Variants in ALMS1 observed in about 807,000 individuals in gnomAD.
ALMS1 encodes the protein ALMS1 centrosome and basal body associated protein, also known as centrosome-associated protein ALMS1.
Under a neutral mutation model 352.2 loss-of-function variants are expected in ALMS1, and 271 were observed. The observed-to-expected ratio is 0.77, with a 90% CI of 0.70 to 0.85. The LOEUF is 0.85. ALMS1 is among the 40% of genes least tolerant of loss of function. ALMS1 has a pLI of 0.00. For missense variants in ALMS1, 5,445 were observed against 4,870.7 expected, an observed-to-expected ratio of 1.12 and a Z score of -3.51; for synonymous variants, 1,865 against 1,761.2, an observed-to-expected ratio of 1.06 and a Z score of -1.48.
chr2:73,474,194 T>C (rs1395069154), intron 9 of ALMS1, among the ~76,000 whole-genome samples: 1 of 152,142 alleles, frequency 6.6e-6, no homozygotes, highest in African/African-American at 2.4e-5. Context: ...ATGAGCTTCT[T>C]ACAAAGTTAT....
At chr2:73,554,899 C>G (rs1674512199) in intron 13 of ALMS1, among the ~76,000 whole-genome samples, 1 of 152,042 alleles carries the variant, frequency 6.6e-6, no homozygotes. Flanking sequence ...CAATATGGTA[C>G]TTAGAAATGA....
Position 73,453,868 on chromosome 2 carries a change from T to C in ALMS1, c.7341T>C (p.Phe2447=), listed in dbSNP as rs1430973672. The C allele has an allele frequency of 3.1e-6, 5 of 1,614,020 alleles. No individual in the cohort carries two copies. Among genetic ancestry groups the C allele is most frequent in the Admixed American group, 1.7e-5 (1 of 59,978 alleles). ...TTTCTGATGTTCTTCTAAACTTCTT[T>C]CCATATGTTTCACCCAAGACAAGTA... ...ESVSDVLLNF[F]PYVSPKTSIT... The change falls in exon 8 of 23, where the codon TTT becomes TTC. Residue 2447 remains phenylalanine, a synonymous_variant. Coordinates refer to ENST00000613296, the MANE Select transcript of ALMS1 (RefSeq NM_001378454.1).
At chr2:73,563,451 G>A (rs1047133617) in intron 15 of ALMS1, among the ~76,000 whole-genome samples, 11 of 152,140 alleles carry the variant, frequency 7.2e-5, no homozygotes, top group African/African-American at 2.4e-4. Context: ...GGCAGGGTGC[G>A]GTGGCTCACG....
intron 16 of ALMS1, among the ~76,000 whole-genome samples, chr2:73,594,132 C>T (rs1675495682): frequency 6.6e-6 from 1 of 152,142 alleles, no homozygotes; most frequent in Non-Finnish European, 1.5e-5. Flanking sequence ...TATGTTTAAC[C>T]ATTTGAGGAA....
intron 9 of ALMS1, among the ~76,000 whole-genome samples, chr2:73,474,329 A>G (rs1672535384): frequency 6.7e-6 from 1 of 148,728 alleles, no homozygotes; most frequent in South Asian, 2.1e-4. Context: ...CGTTTCTTTT[A>G]TTTGTAGAAA....
chr2:73,443,861 G>T (rs1241132352), intron 7 of ALMS1, among the ~76,000 whole-genome samples: 1 of 152,126 alleles, frequency 6.6e-6, no homozygotes, highest in Non-Finnish European at 1.5e-5. Context: ...CTATATGTCA[G>T]TTGTAATGAA....
In ALMS1 at chr2:73,450,907, A is replaced by G; in HGVS notation, c.4380A>G (p.Gly1460=). The G allele has an allele frequency of 3.7e-6, 6 of 1,614,056 alleles. No homozygotes were observed. Among genetic ancestry groups the G allele is most frequent in the Non-Finnish European group, 5.1e-6 (6 of 1,179,978 alleles). ...CTTTGGAAGTTTCAGTTGCTCCTGG[A>G]CCAGTTGACCAGACGATTGGCACAC... ...EEALEVSVAP[G]PVDQTIGTPT... The change falls in exon 8 of 23, where the codon GGA becomes GGG. Residue 1460 remains glycine (G), a synonymous_variant. Coordinates refer to ENST00000613296, the MANE Select transcript of ALMS1 (RefSeq NM_001378454.1).
At chr2:73,386,894 C>T (rs1233180328) in intron 1 of ALMS1, among the ~76,000 whole-genome samples, 1 of 152,170 alleles carries the variant, frequency 6.6e-6, no homozygotes, top group Non-Finnish European at 1.5e-5. Context: ...TTTTAACTTA[C>T]TGCTTTTCGA....
intron 19 of ALMS1, 146 bp downstream of exon 19, chr2:73,601,582 C>G: frequency 7.6e-7 from 1 of 1,317,802 alleles, no homozygotes; most frequent in Non-Finnish European, 1.1e-6. Flanking sequence ...TGTTTTCACG[C>G]ACGAGGGTTG....
intron 16 of ALMS1, among the ~76,000 whole-genome samples, chr2:73,589,011 GTA>G (rs902423903): frequency 6.6e-6 from 1 of 151,150 alleles, no homozygotes; most frequent in African/African-American, 2.4e-5. Context: ...ATACCTATGT[GTA>G]TATATATATA....
chr2:73,392,205 A>T (rs1197018287), intron 1 of ALMS1, among the ~76,000 whole-genome samples: 5 of 151,308 alleles, frequency 3.3e-5, no homozygotes, highest in African/African-American at 1.2e-4. Flanking sequence ...AAAAATTATT[A>T]ATTTTAATAA....
intron 1 of ALMS1, among the ~76,000 whole-genome samples, chr2:73,396,789 C>T (rs781461221): frequency 1.3e-4 from 19 of 151,686 alleles, no homozygotes; most frequent in Non-Finnish European, 2.2e-4. Flanking sequence ...GGACTACAGG[C>T]GCCTGCCACC....
chr2:73,566,441 G>A (rs1674802768), intron 15 of ALMS1, among the ~76,000 whole-genome samples: 1 of 152,192 alleles, frequency 6.6e-6, no homozygotes, highest in Non-Finnish European at 1.5e-5. Flanking sequence ...GATAAAGGGA[G>A]GATTCACATC....
In ALMS1 at chr2:73,491,035, A is replaced by G; in HGVS notation, c.9076A>G (p.Asn3026Asp). 1 of 1,614,198 alleles carries G rather than the reference A, an allele frequency of 6.2e-7. No individual in the cohort carries two copies. Among genetic ancestry groups the G allele is most frequent in the Non-Finnish European group, 8.5e-7 (1 of 1,180,030 alleles). Residue 3026 changes from asparagine to aspartate, a missense_variant, in exon 10 of 23, where the codon AAT becomes GAT. Asn to Asp is a conservative substitution (Grantham distance 23). Transcript: ENST00000613296. ...FNTVVSQSAPNHCTLAASAST... is the reference protein window; with the variant it reads ...FNTVVSQSAPDHCTLAASAST... ...TACTGTGGTCTCCCAGTCAGCCCCA[A>G]ATCACTGTACATTAGCAGCATCTGC... is the stretch of plus-strand genomic sequence containing the variant.
intron 10 of ALMS1, among the ~76,000 whole-genome samples, chr2:73,511,616 A>G (rs773251706): frequency 2.6e-5 from 4 of 152,154 alleles, no homozygotes; most frequent in African/African-American, 7.2e-5. Flanking sequence ...CTATTTGGCC[A>G]TCTTGCCCGG....
intron 16 of ALMS1, among the ~76,000 whole-genome samples, chr2:73,586,053 C>T (rs1293888292): frequency 2.0e-5 from 3 of 152,134 alleles, no homozygotes; most frequent in Non-Finnish European, 4.4e-5. Context: ...AACCATCGCA[C>T]CTAGCCCATT....
chr2:73,603,443 C>G (rs1675745104), intron 21 of ALMS1, 139 bp downstream of exon 21: 1 of 711,078 alleles, frequency 1.4e-6, no homozygotes, highest in Admixed American at 2.6e-5. Flanking sequence ...TCATTTCTCA[C>G]TTATGGCACT....
intron 7 of ALMS1, among the ~76,000 whole-genome samples, chr2:73,444,783 T>G (rs535230522): frequency 9.9e-5 from 15 of 152,174 alleles, no homozygotes; most frequent in Non-Finnish European, 1.9e-4. Context: ...AAATCCTGTT[T>G]GAACTGTGAT....
chr2:73,400,575 T>G (rs966855047), intron 1 of ALMS1, among the ~76,000 whole-genome samples: 2 of 152,166 alleles, frequency 1.3e-5, no homozygotes, highest in African/African-American at 4.8e-5. Flanking sequence ...GTCTGGTGCT[T>G]TCTGTTTTAG....
Sources: allele counts gnomAD v4.1 joint callset (sites outside exome capture counted in the v4.1 genomes callset), GRCh38; gene constraint gnomAD v4.1.1; transcripts MANE v1.5; gene names NCBI Gene and HGNC (gene_info 2026-07-23, HGNC 2026-07-21).